Variants in ZBTB16 observed in about 807,000 individuals in gnomAD.
ZBTB16 encodes the protein zinc finger and BTB domain-containing protein 16.
In ZBTB16, 8 loss-of-function variants were observed where a neutral mutation model predicts 56.8. That is an observed-to-expected ratio of 0.14 (90% CI 0.08 to 0.25). The LOEUF (loss-of-function observed/expected upper bound fraction) is 0.25. Ranked by LOEUF, ZBTB16 falls within the 10% of genes least tolerant of loss-of-function variation. The probability of loss-of-function intolerance (pLI) is 1.00; values close to 1 mark genes in which losing one functional copy is unlikely to be tolerated. For missense variants in ZBTB16, 625 were observed against 903.0 expected (o/e 0.69, Z 3.95); for synonymous variants, 363 against 368.5 (o/e 0.98, Z 0.17).
In ZBTB16 at chr11:114,252,446, A is replaced by G. The variant is rs1271289921; in HGVS notation, c.*1891A>G. ...TGGGGGTGTTGTTTTTCTAAAAGCT[A>G]CCTCTTATGTTTGTCCAGTTGTTCT... On this transcript the variant is annotated 3_prime_UTR_variant, in exon 7 of 7. Transcript: ENST00000335953. Among the ~76,000 whole-genome samples, 1 of 151,068 alleles carries G rather than the reference A, an allele frequency of 6.6e-6. No homozygotes were observed. Among genetic ancestry groups the G allele is most frequent in the African/African-American group, 2.4e-5 (1 of 40,986 alleles).
intron 2 of ZBTB16, among the ~76,000 whole-genome samples, chr11:114,142,831 A>C (rs891584804): frequency 2.0e-5 from 3 of 151,282 alleles, no homozygotes; most frequent in Non-Finnish European, 2.9e-5. Flanking sequence ...AAAAGATTCC[A>C]CTCTGCCTCC....
rs559783964 is a variant in ZBTB16, at chr11:114,180,367, G to C, written c.1367-6585G>C. Reference sequence around the variant, plus strand: ...AATCTCAGATAAACTCAGTGCCTGGGGTAGGGAGTAGTCACTCGGCAGATC... The same window carrying C: ...AATCTCAGATAAACTCAGTGCCTGGCGTAGGGAGTAGTCACTCGGCAGATC... On this transcript the variant is annotated intron_variant, in intron 3 of 6. Coordinates refer to ENST00000335953, the MANE Select transcript of ZBTB16 (RefSeq NM_006006.6). Among the ~76,000 whole-genome samples, 27 of 152,322 alleles carry C rather than the reference G, an allele frequency of 1.8e-4. 1 individual carries two copies. The South Asian group carries it at 5.4e-3, about 30-fold the overall frequency.
intron 2 of ZBTB16, among the ~76,000 whole-genome samples, chr11:114,102,574 G>A (rs1254678215): frequency 1.9e-5 from 2 of 107,956 alleles, no homozygotes; most frequent in East Asian, 3.1e-4. Context: ...CTGCCCTTCC[G>A]CATTTTCTGG....
Position 114,205,566 on chromosome 11 carries a change from A to G in ZBTB16, c.1453+18528A>G, listed in dbSNP as rs116232200. On this transcript the variant is annotated intron_variant, in intron 4 of 6. Coordinates refer to ENST00000335953, the MANE Select transcript of ZBTB16 (RefSeq NM_006006.6). Reference sequence around the variant, plus strand: ...TTGTCTCTTAAGTGTGCATTGTCAGATGGGACGCACGTTCCCCTCAACCAA... The same window carrying G: ...TTGTCTCTTAAGTGTGCATTGTCAGGTGGGACGCACGTTCCCCTCAACCAA... 7.1e-3 allele frequency among the ~76,000 whole-genome samples: 1,081 copies of G among 152,318 alleles called. 10 individuals carry two copies. Among genetic ancestry groups the G allele is most frequent in the African/African-American group, 0.025 (1,036 of 41,554 alleles).
intron 3 of ZBTB16, among the ~76,000 whole-genome samples, chr11:114,159,766 A>T (rs1942525330): frequency 6.6e-6 from 1 of 152,130 alleles, no homozygotes; most frequent in Non-Finnish European, 1.5e-5. Context: ...ATTGAATTAG[A>T]TGATGTGAGG....
rs1938994865 is a variant in ZBTB16 at position 114,063,881 on chromosome 11, C to T, written c.581C>T (p.Ser194Leu). The T allele has an allele frequency of 6.2e-7, 1 of 1,614,124 alleles. No homozygotes were observed. Among genetic ancestry groups the T allele is most frequent in the East Asian group, 2.2e-5 (1 of 44,874 alleles). ...SPSVSTSFGL[S>L]AMSPTKAAVD... ...TCAGTCTCCACTTCATTTGGTCTTTCAGCCATGAGTCCCACCAAGGCTGCA... is the reference window on the plus strand; with the variant it reads ...TCAGTCTCCACTTCATTTGGTCTTTTAGCCATGAGTCCCACCAAGGCTGCA... The change falls in exon 2 of 7, where the codon TCA becomes TTA. Residue 194 changes from serine (S) to leucine (L), a missense_variant. Physicochemically the swap from Ser to Leu is moderately radical, Grantham distance 145. Transcript: ENST00000335953. This position sits in a 1 kb window ranked among gnomAD's most constrained non-coding sequence, Gnocchi z 6.5.
chr11:114,168,176 G>A (rs1942846416), intron 3 of ZBTB16, among the ~76,000 whole-genome samples: 1 of 152,204 alleles, frequency 6.6e-6, no homozygotes, highest in Non-Finnish European at 1.5e-5. Context: ...TTATAACTCA[G>A]TCATTTGAAA....
intron 4 of ZBTB16, among the ~76,000 whole-genome samples, chr11:114,200,272 C>G (rs1459493772): frequency 6.6e-6 from 1 of 152,136 alleles, no homozygotes; most frequent in Non-Finnish European, 1.5e-5. Context: ...CACCAGTAGA[C>G]AAGAATTCCT....
At chr11:114,109,448 A>G (rs572953426) in intron 2 of ZBTB16, among the ~76,000 whole-genome samples, 2 of 151,998 alleles carry the variant, frequency 1.3e-5, no homozygotes, top group Admixed American at 6.5e-5. Flanking sequence ...GTTGCTCCTT[A>G]CTGTTGGAGA....
intron 2 of ZBTB16, among the ~76,000 whole-genome samples, chr11:114,087,467 C>T (rs748148263): frequency 2.6e-5 from 4 of 152,154 alleles, no homozygotes; most frequent in Non-Finnish European, 4.4e-5. Flanking sequence ...CTCCTGTGTC[C>T]TCATGTTTTG....
At chr11:114,113,911 G>T (rs940489767) in intron 2 of ZBTB16, among the ~76,000 whole-genome samples, 3 of 152,166 alleles carry the variant, frequency 2.0e-5, no homozygotes, top group Non-Finnish European at 4.4e-5. Flanking sequence ...TCAACACAAA[G>T]TTGCACAATC....
chr11:114,191,010 G>A (rs930880108), intron 4 of ZBTB16, among the ~76,000 whole-genome samples: 1 of 152,150 alleles, frequency 6.6e-6, no homozygotes, highest in Non-Finnish European at 1.5e-5. Context: ...GGCCAGAGCA[G>A]GAGCTAGAGA....
intron 2 of ZBTB16, among the ~76,000 whole-genome samples, chr11:114,086,285 A>AC (rs1157348450): frequency 4.0e-5 from 6 of 151,334 alleles, no homozygotes; most frequent in African/African-American, 1.5e-4. Flanking sequence ...CTACTCCCCC[A>AC]CCCCCACTGG....
intron 2 of ZBTB16, among the ~76,000 whole-genome samples, chr11:114,095,153 G>A (rs573072851): frequency 1.6e-4 from 25 of 152,080 alleles, no homozygotes; most frequent in East Asian, 1.4e-3. Flanking sequence ...ACGTGCACGC[G>A]CCCTGCAGTC....
At chr11:114,195,015 A>G (rs1943574249) in intron 4 of ZBTB16, among the ~76,000 whole-genome samples, 1 of 152,254 alleles carries the variant, frequency 6.6e-6, no homozygotes, top group Non-Finnish European at 1.5e-5. Context: ...TTCTCTGGCC[A>G]GGCAGCAGTT....
At chr11:114,087,210 C>A (rs759126203) in intron 2 of ZBTB16, among the ~76,000 whole-genome samples, 36 of 152,346 alleles carry the variant, frequency 2.4e-4, no homozygotes, top group South Asian at 4.1e-4. Context: ...ACCCTCTCTG[C>A]TGAATGTAGA....
chr11:114,244,367 G>C (rs537781093), intron 5 of ZBTB16, among the ~76,000 whole-genome samples: 3 of 151,944 alleles, frequency 2.0e-5, no homozygotes, highest in Non-Finnish European at 4.4e-5. Context: ...GGACAGATTG[G>C]GGGGGGCGGG....
chr11:114,133,169 T>A (rs545608690), intron 2 of ZBTB16, among the ~76,000 whole-genome samples: 1 of 152,098 alleles, frequency 6.6e-6, no homozygotes, highest in East Asian at 1.9e-4. Flanking sequence ...AATTGACTGG[T>A]GTCCTGCCTC....
intron 2 of ZBTB16, among the ~76,000 whole-genome samples, chr11:114,071,020 G>GT (rs1026046574): frequency 6.6e-6 from 1 of 152,064 alleles, no homozygotes; most frequent in African/African-American, 2.4e-5. Context: ...CATTGACATC[G>GT]TTTTTTTCAT....
Sources: gnomAD v4.1 joint callset for allele counts (sites outside exome capture counted in the v4.1 genomes callset) on GRCh38, gnomAD v4.1.1 for gene constraint, Gnocchi (gnomAD v3.1) non-coding constraint, MANE v1.5 for transcripts, NCBI Gene and HGNC (gene_info 2026-07-23, HGNC 2026-07-21) for gene names.